Variants in TACC3 observed in about 807,000 individuals in gnomAD.
The protein encoded by TACC3 is transforming acidic coiled-coil containing protein 3.
TACC3 carries 52 observed loss-of-function variants against 86.0 expected under a neutral mutation model. That is an observed-to-expected ratio of 0.60 (90% CI 0.48 to 0.76). The LOEUF (loss-of-function observed/expected upper bound fraction) is 0.76. TACC3 is among the 30% of genes least tolerant of loss of function. TACC3 has a pLI of 0.00. For synonymous variants in TACC3, 512 were observed against 430.0 expected (o/e 1.19, Z -2.36); for missense variants, 1,120 against 1,070.4 (o/e 1.05, Z -0.65).
At chr4:1,727,589 A>G (rs559447984) in intron 3 of TACC3, 119 bp from the exon 4 acceptor site, 3 of 1,481,140 alleles carry the variant, frequency 2.0e-6, no homozygotes, top group Admixed American at 2.3e-5. Flanking sequence ...AGCCGTGCCA[A>G]GGGTGACTCA....
chr4:1,741,182 C>A, intron 13 of TACC3, 196 bp downstream of exon 13: 1 of 497,536 alleles, frequency 2.0e-6, no homozygotes. Context: ...CAGCTGAGGG[C>A]GGCAGGAGGC....
At position 1,728,596 on chromosome 4, in the gene TACC3, T is replaced by C. The variant is rs1717837313; in HGVS notation, c.1194T>C (p.Ala398=). The C allele has an allele frequency of 6.2e-7, 1 of 1,613,920 alleles. No individual in the cohort carries two copies. ...SGAGEDPPMP[A]SRGSYHLDWD... ...CAGGAGAGGACCCCCCCATGCCAGC[T>C]TCTCGGGGCTCTTACCACCTCGACT... The change falls in exon 4 of 16, where the codon GCT becomes GCC. Residue 398 remains alanine (A), a synonymous_variant. Coordinates refer to ENST00000313288, the MANE Select transcript of TACC3 (RefSeq NM_006342.3).
chr4:1,737,183 G>C, intron 8 of TACC3, 58 bp from the exon 9 acceptor site: 4 of 1,398,342 alleles, frequency 2.9e-6, no homozygotes, highest in Non-Finnish European at 4.1e-6. Flanking sequence ...ATGGTCCTCT[G>C]TGTCCTACTC....
rs561659433 is a variant in TACC3 at position 1,739,777 on chromosome 4, G to C, written c.2017G>C (p.Gly673Arg). ...GCTCCACGGGAAGAACCTGGAACTG[G>C]GGTAAGGAGGCCCCGTCTCCTGTCC... ...EELHGKNLEL[G>R]KIMDRFEEVV... Residue 673 changes from glycine to arginine, a missense_variant and splice_region_variant, in exon 11 of 16, where the codon GGG becomes CGG. Gly to Arg is a moderately radical substitution (Grantham distance 125). Transcript: ENST00000313288. 6.3e-7 allele frequency: 1 copy of C among 1,583,630 alleles called. No individual in the cohort carries two copies.
intron 5 of TACC3, 46 bp downstream of exon 5, chr4:1,731,008 T>C (rs1404990982): frequency 1.9e-6 from 3 of 1,610,492 alleles, no homozygotes; most frequent in Non-Finnish European, 2.5e-6. Context: ...CCTGGTCGTG[T>C]AGAAGAGTAG....
At chr4:1,741,137 G>A in intron 13 of TACC3, 151 bp downstream of exon 13, 2 of 711,498 alleles carry the variant, frequency 2.8e-6, no homozygotes, top group Non-Finnish European at 4.6e-6. Flanking sequence ...GAACGAGACA[G>A]GGTGCAGGAG....
At chr4:1,723,280 G>A (rs1665360) in intron 1 of TACC3, 141 bp from the exon 2 acceptor site, 139,429 of 779,916 alleles carry the variant, frequency 0.18, 13,515 homozygotes, top group African/African-American at 0.2. Context: ...CAAGAGACAC[G>A]TGTGGGAGGT....
At chr4:1,723,940 C>G in intron 3 of TACC3, 70 bp downstream of exon 3, 1 of 1,533,502 alleles carries the variant, frequency 6.5e-7, no homozygotes, top group Non-Finnish European at 8.9e-7. Flanking sequence ...CAGGAAAGTG[C>G]TGTCTTGTTC....
intron 3 of TACC3, among the ~76,000 whole-genome samples, chr4:1,726,190 G>C (rs559819990): frequency 1.2e-4 from 18 of 152,210 alleles, no homozygotes; most frequent in Non-Finnish European, 2.5e-4. Context: ...GAGTGCCCCA[G>C]AGACAGGTGG....
In TACC3 at chr4:1,721,599, C is replaced by G. The variant is rs564953114; in HGVS notation, c.-46C>G. The G allele has an allele frequency of 5.1e-4, 78 of 152,624 alleles. No individual in the cohort carries two copies. Among genetic ancestry groups the G allele is most frequent in the African/African-American group, 1.8e-3 (75 of 41,536 alleles). 9.5% of individuals were successfully genotyped at this position (152,624 alleles called of 1,614,324 possible). A position where few individuals can be genotyped will look rare whatever the true frequency, so the allele number is the denominator to read the frequency against. Reference sequence around the variant, plus strand: ...GCAGACGCGGACCCCTCCTTCCTGGCGGCGGCGGCGCGGGCTCAGAGCCCG... The same window carrying G: ...GCAGACGCGGACCCCTCCTTCCTGGGGGCGGCGGCGCGGGCTCAGAGCCCG... On this transcript the variant is annotated 5_prime_UTR_variant, in exon 1 of 16. Coordinates refer to ENST00000313288, the MANE Select transcript of TACC3 (RefSeq NM_006342.3).
intron 10 of TACC3, 117 bp from the exon 11 acceptor site, chr4:1,739,583 CTG>C: frequency 1.1e-6 from 1 of 929,492 alleles, no homozygotes; most frequent in Non-Finnish European, 1.6e-6. Context: ...CCACATGGAA[CTG>C]TGCCTCTGGG....
chr4:1,724,324 C>T (rs1409943692), intron 3 of TACC3, among the ~76,000 whole-genome samples: 3 of 151,558 alleles, frequency 2.0e-5, no homozygotes, highest in East Asian at 1.9e-4. Context: ...CAGCATATGG[C>T]CAGTTCACTA....
rs760508354 is a variant in TACC3 at position 1,727,684 on chromosome 4, C to T, written c.306-24C>T. The stretch of plus-strand genomic sequence containing the variant: ...ACCTCACCAGGTACTCGCTGCTTCA[C>T]GTTGATTAAGTCTCTTTTAAAAGCC... On this transcript the variant is annotated intron_variant, in intron 3 of 15. Coordinates refer to ENST00000313288, the MANE Select transcript of TACC3 (RefSeq NM_006342.3). 3.9e-6 allele frequency: 6 copies of T among 1,548,786 alleles called. No homozygotes were observed. The East Asian group carries it at 6.8e-5, about 17-fold the overall frequency.
Position 1,723,785 on chromosome 4 carries a change from A to C in TACC3, c.220A>C (p.Met74Leu). The change falls in exon 3 of 16, where the codon ATG becomes CTG. Residue 74 changes from methionine (M) to leucine (L), a missense_variant. Met to Leu is a conservative substitution (Grantham distance 15, BLOSUM62 2). Transcript: ENST00000313288. ...PQTHRILSPSMASKLEAPFTQ... is the reference protein window; with the variant it reads ...PQTHRILSPSLASKLEAPFTQ... Reference sequence around the variant, plus strand: ...GACGCACAGGATTCTAAGTCCTAGCATGGCCAGCAAACTTGAGGCTCCTTT... The same window carrying C: ...GACGCACAGGATTCTAAGTCCTAGCCTGGCCAGCAAACTTGAGGCTCCTTT... 1 of 1,613,880 alleles carries C rather than the reference A, an allele frequency of 6.2e-7. No homozygotes were observed. Among genetic ancestry groups the C allele is most frequent in the East Asian group, 2.2e-5 (1 of 44,886 alleles).
intron 1 of TACC3, chr4:1,723,184 C>T: frequency 1.8e-6 from 1 of 556,204 alleles, no homozygotes; most frequent in Admixed American, 3.4e-5. Flanking sequence ...TCCCAGGAAG[C>T]AGCAGTGCTG....
chr4:1,735,678 G>T lies in TACC3; in HGVS notation c.1645-53G>T. ...GTGACCTCCCTGGCCCTTAGCCCCC[G>T]TGTGTGTTAGGGGATGGCAGTCAGA... On this transcript the variant is annotated intron_variant, in intron 7 of 15. Coordinates refer to ENST00000313288, the MANE Select transcript of TACC3 (RefSeq NM_006342.3). The surrounding 1 kb of genome is among the most constrained non-coding windows in gnomAD (Gnocchi z 4.2). The T allele has an allele frequency of 1.1e-6, 1 of 927,038 alleles. No individual in the cohort carries two copies. The highest frequency in any genetic ancestry group is 1.6e-6 in the Non-Finnish European group (1 of 633,802). The allele number at this position is 927,038 out of a possible 1,614,324, so 57.4% of individuals were successfully genotyped here.
At chr4:1,733,342 T>C (rs1165749015) in intron 6 of TACC3, among the ~76,000 whole-genome samples, 1 of 152,178 alleles carries the variant, frequency 6.6e-6, no homozygotes, top group East Asian at 1.9e-4. Context: ...GTTAAGTCCC[T>C]TATCAGATGA....
chr4:1,727,073 G>A (rs1479107022), intron 3 of TACC3, among the ~76,000 whole-genome samples: 1 of 152,016 alleles, frequency 6.6e-6, no homozygotes, highest in African/African-American at 2.4e-5. Context: ...GGAGGTTGCA[G>A]TGAGCCGAGA....
intron 10 of TACC3, 80 bp downstream of exon 10, chr4:1,737,782 A>C: frequency 7.8e-7 from 1 of 1,284,920 alleles, no homozygotes; most frequent in Non-Finnish European, 1.1e-6. Flanking sequence ...GGGGTCCAAC[A>C]GCCTGACCCG....
Sources: gnomAD v4.1 joint callset for allele counts (sites outside exome capture counted in the v4.1 genomes callset) on GRCh38, gnomAD v4.1.1 for gene constraint, Gnocchi (gnomAD v3.1) non-coding constraint, MANE v1.5 for transcripts, NCBI Gene and HGNC (gene_info 2026-07-23, HGNC 2026-07-21) for gene names.